Variants in PTPRT observed in about 807,000 individuals in gnomAD.
PTPRT encodes protein tyrosine phosphatase receptor type T, also known as receptor-type tyrosine-protein phosphatase T.
In PTPRT, 56 loss-of-function variants were observed where a neutral mutation model predicts 176.8. The ratio of observed to expected loss-of-function variants is 0.32; its 90% CI spans 0.26 to 0.40. The LOEUF (loss-of-function observed/expected upper bound fraction) is 0.40, where lower values mean the gene tolerates loss of function less well. Ranked by LOEUF, PTPRT falls within the 10% of genes least tolerant of loss-of-function variation. The pLI, the probability that PTPRT is intolerant of heterozygous loss-of-function variation, is 1.00. For synonymous variants in PTPRT, 783 were observed against 739.0 expected (o/e 1.06, Z -0.96); for missense variants, 1,540 against 1,908.2 (o/e 0.81, Z 3.60).
chr20:42,219,436 G>A (rs189077701), intron 15 of PTPRT, among the ~76,000 whole-genome samples: 4 of 152,138 alleles, frequency 2.6e-5, no homozygotes, highest in Non-Finnish European at 5.9e-5. Context: ...CTCCCCCTGC[G>A]CCTTTCTAGA....
At chr20:42,172,186 G>A (rs1990106143) in intron 16 of PTPRT, among the ~76,000 whole-genome samples, 1 of 151,914 alleles carries the variant, frequency 6.6e-6, no homozygotes, top group Non-Finnish European at 1.5e-5. Context: ...AAAAAACATA[G>A]TCATTGAAAA....
intron 7 of PTPRT, among the ~76,000 whole-genome samples, chr20:42,621,511 C>T (rs1290903352): frequency 6.6e-6 from 1 of 152,212 alleles, no homozygotes; most frequent in Non-Finnish European, 1.5e-5. Context: ...GCCATGGATT[C>T]CTCCATTGCC....
chr20:42,305,284 C>CAG (rs58803515), intron 12 of PTPRT, among the ~76,000 whole-genome samples: 116,836 of 151,798 alleles, frequency 0.77, 45,398 homozygotes, highest in African/African-American at 0.86. Context: ...ACCTGGGAGG[C>CAG]AGGTTGTAGT....
At chr20:42,163,404 G>C (rs1260304550) in intron 16 of PTPRT, among the ~76,000 whole-genome samples, 1 of 152,208 alleles carries the variant, frequency 6.6e-6, no homozygotes, top group Non-Finnish European at 1.5e-5. Context: ...TGACTGCACA[G>C]AGAAATACTG....
chr20:42,261,913 T>G (rs75444838), intron 13 of PTPRT, among the ~76,000 whole-genome samples: 8,644 of 152,210 alleles, frequency 0.057, 785 homozygotes, highest in African/African-American at 0.2. Flanking sequence ...ACATGCCGCT[T>G]GCAGCTAGCA....
chr20:42,645,699 C>T (rs946561453), intron 7 of PTPRT, among the ~76,000 whole-genome samples: 19 of 150,132 alleles, frequency 1.3e-4, no homozygotes, highest in Admixed American at 1.3e-3. Flanking sequence ...GGAAAGCCAC[C>T]CAGAGGAAAA....
chr20:42,715,899 A>C (rs926023122), intron 6 of PTPRT, among the ~76,000 whole-genome samples: 24 of 152,360 alleles, frequency 1.6e-4, no homozygotes, highest in African/African-American at 5.5e-4. Flanking sequence ...AAAAATAGTT[A>C]AAACAATCTT....
chr20:42,572,893 T>G (rs1055699744), intron 7 of PTPRT, among the ~76,000 whole-genome samples: 2 of 151,404 alleles, frequency 1.3e-5, no homozygotes, highest in African/African-American at 4.9e-5. Flanking sequence ...AATGCCTACC[T>G]TGACCTCTAA....
intron 16 of PTPRT, among the ~76,000 whole-genome samples, chr20:42,167,971 T>C (rs1387144307): frequency 1.3e-5 from 2 of 152,164 alleles, no homozygotes; most frequent in East Asian, 3.8e-4. Context: ...ATTGATAACA[T>C]AAACAGCTGA....
intron 2 of PTPRT, among the ~76,000 whole-genome samples, chr20:42,860,872 A>G (rs1021883008): frequency 1.3e-5 from 2 of 152,184 alleles, no homozygotes; most frequent in African/African-American, 2.4e-5. Flanking sequence ...AATAAATGTT[A>G]AATAATTTTA....
intron 7 of PTPRT, among the ~76,000 whole-genome samples, chr20:42,558,314 A>G (rs1161540382): frequency 6.6e-6 from 1 of 152,162 alleles, no homozygotes; most frequent in Non-Finnish European, 1.5e-5. Flanking sequence ...TGAAAAAGAC[A>G]TGATCTCATT....
the PTPRT span, among the ~76,000 whole-genome samples, chr20:42,067,617 T>G: frequency 6.6e-6 from 1 of 152,174 alleles, no homozygotes; most frequent in African/African-American, 2.4e-5. Flanking sequence ...AACAAAAATA[T>G]GAGATGGCAG....
At chr20:43,153,798 CCA>C (rs1199264926) in intron 1 of PTPRT, among the ~76,000 whole-genome samples, 1 of 152,152 alleles carries the variant, frequency 6.6e-6, no homozygotes, top group African/African-American at 2.4e-5. Flanking sequence ...GATTGAATTT[CCA>C]CAGAGGCTGG....
At chr20:42,732,903 A>G (rs2076483664) in intron 6 of PTPRT, among the ~76,000 whole-genome samples, 1 of 152,262 alleles carries the variant, frequency 6.6e-6, no homozygotes, top group Non-Finnish European at 1.5e-5. Context: ...CTGGATACTT[A>G]TCTCCTGGCC....
chr20:42,542,312 A>G (rs2072598126), intron 7 of PTPRT, among the ~76,000 whole-genome samples: 1 of 152,222 alleles, frequency 6.6e-6, no homozygotes, highest in Non-Finnish European at 1.5e-5. Flanking sequence ...TATAGAAAGA[A>G]GTACTACAAA....
intron 2 of PTPRT, among the ~76,000 whole-genome samples, chr20:42,869,878 G>A (rs553032083): frequency 2.6e-4 from 40 of 152,216 alleles, no homozygotes; most frequent in African/African-American, 6.7e-4. Flanking sequence ...TAAGTAATGC[G>A]GTCAGAGCCC....
chr20:43,089,557 A>G (rs1056932895), intron 1 of PTPRT, among the ~76,000 whole-genome samples: 1 of 152,244 alleles, frequency 6.6e-6, no homozygotes. Context: ...ATATCATAAA[A>G]TCACTGTGAA....
intron 11 of PTPRT, among the ~76,000 whole-genome samples, chr20:42,318,221 A>T (rs1198014303): frequency 6.6e-6 from 1 of 152,146 alleles, no homozygotes; most frequent in East Asian, 1.9e-4. Flanking sequence ...CTTCCTCCTC[A>T]ACTCTGGGGT....
intron 15 of PTPRT, among the ~76,000 whole-genome samples, chr20:42,221,531 C>CT (rs35552146): frequency 0.36 from 52,449 of 146,326 alleles, 9,352 homozygotes; most frequent in East Asian, 0.43. Context: ...GAAACTGCCA[C>CT]TTTTTTTTTT....
Sources: allele counts gnomAD v4.1 joint callset (sites outside exome capture counted in the v4.1 genomes callset), GRCh38; gene constraint gnomAD v4.1.1; transcripts MANE v1.5; gene names NCBI Gene and HGNC (gene_info 2026-07-23, HGNC 2026-07-21).